Variants in MAML3 observed in about 807,000 individuals in gnomAD.
MAML3 encodes mastermind like transcriptional coactivator 3, also known as mastermind-like protein 3.
A neutral mutation model predicts 101.9 loss-of-function variants in MAML3; 27 were observed. That is an observed-to-expected ratio of 0.27 (90% CI 0.20 to 0.37). MAML3 has a LOEUF of 0.37. Among genes scored for constraint, MAML3 ranks in the 10% least tolerant of loss-of-function variants. The probability of loss-of-function intolerance (pLI) is 1.00; values close to 1 mark genes in which losing one functional copy is unlikely to be tolerated. For missense variants in MAML3, 1,316 were observed against 1,444.9 expected (o/e 0.91, Z 1.45); for synonymous variants, 501 against 555.9 (o/e 0.90, Z 1.39).
chr4:139,799,124 T>C (rs931092909), intron 2 of MAML3, among the ~76,000 whole-genome samples: 9 of 152,228 alleles, frequency 5.9e-5, no homozygotes, highest in Admixed American at 1.3e-4. Flanking sequence ...GCCAGCCTTA[T>C]TGTAACCTCT....
chr4:139,734,999 C>G (rs1728876523), intron 2 of MAML3, among the ~76,000 whole-genome samples: 1 of 152,178 alleles, frequency 6.6e-6, no homozygotes, highest in Non-Finnish European at 1.5e-5. Flanking sequence ...AGCCCGGCCT[C>G]GTGCCCGGCC....
chr4:140,054,441 A>C (rs1727319513), intron 1 of MAML3, among the ~76,000 whole-genome samples: 2 of 151,780 alleles, frequency 1.3e-5, no homozygotes, highest in South Asian at 4.1e-4. Flanking sequence ...TGGTTTGTTG[A>C]TTAAAATAAA....
rs200037455 is a variant in MAML3 at position 139,739,679 on chromosome 4, G to GTTTCTTTTTTTT, written c.2080-9013_2080-9012insAAAAAAAAGAAA. On this transcript the variant is annotated intron_variant, in intron 2 of 4. Transcript: ENST00000509479. ...TTAAGAAAGGCAGGGGAGGAAAGCA[G>GTTTCTTTTTTTT]TTTTTTTTTTTTTTTCTTTTATGTC... 7.6e-5 allele frequency among the ~76,000 whole-genome samples: 10 copies of GTTTCTTTTTTTT among 132,354 alleles called. 1 individual carries two copies. The highest frequency in any genetic ancestry group is 8.5e-5 in the African/African-American group (3 of 35,346). 86.8% of individuals were successfully genotyped at this position (132,354 alleles called of 152,430 possible).
chr4:140,130,421 A>G (rs181764077), intron 1 of MAML3, among the ~76,000 whole-genome samples: 1 of 152,220 alleles, frequency 6.6e-6, no homozygotes, highest in Non-Finnish European at 1.5e-5. Context: ...GTTGTATGAG[A>G]TAGTCTCCTA....
chr4:140,144,245 G>A (rs149454473), intron 1 of MAML3, among the ~76,000 whole-genome samples: 323 of 152,138 alleles, frequency 2.1e-3, no homozygotes, highest in African/African-American at 7.4e-3. Context: ...ACCTCTACCA[G>A]TTAATAATCA....
Position 139,915,273 on chromosome 4 carries a change from A to G in MAML3, c.469-24306T>C, listed in dbSNP as rs537044315. Among the ~76,000 whole-genome samples, 3 of 152,342 alleles carry G rather than the reference A, an allele frequency of 2.0e-5. No homozygotes were observed. In the East Asian group the frequency reaches 5.8e-4, roughly 29 times the overall value. ...ACACAGCCTCTTGAATTAACAGCTC[A>G]CAGGAAGAGAAAAAAACCAACTCCT... is the stretch of plus-strand genomic sequence containing the variant. On this transcript the variant is annotated intron_variant, in intron 1 of 4. Transcript: ENST00000509479.
chr4:139,970,243 C>T (rs11736053), intron 1 of MAML3, among the ~76,000 whole-genome samples: 33,302 of 152,144 alleles, frequency 0.22, 4,741 homozygotes, highest in Non-Finnish European at 0.3. Flanking sequence ...GACAAGGTAG[C>T]ATTTGAGTAG....
intron 1 of MAML3, among the ~76,000 whole-genome samples, chr4:140,144,727 A>C (rs72937710): frequency 0.037 from 5,700 of 152,232 alleles, 330 homozygotes; most frequent in African/African-American, 0.13. Context: ...CTCCAAGTTC[A>C]GAATAGGTTA....
chr4:139,926,353 C>G (rs1733258305), intron 1 of MAML3, among the ~76,000 whole-genome samples: 1 of 152,174 alleles, frequency 6.6e-6, no homozygotes, highest in Non-Finnish European at 1.5e-5. Flanking sequence ...AATCCTAACA[C>G]TTTGGGAGGC....
chr4:139,732,654 A>G lies in MAML3; in HGVS notation c.2080-1987T>C, dbSNP rs931163825. 7.9e-5 allele frequency among the ~76,000 whole-genome samples: 12 copies of G among 151,638 alleles called. No individual in the cohort carries two copies. The East Asian group carries it at 1.7e-3, about 22-fold the overall frequency. On this transcript the variant is annotated intron_variant, in intron 2 of 4. Coordinates refer to ENST00000509479, the MANE Select transcript of MAML3 (RefSeq NM_018717.5). ...ACTTAAAATTAAAAAAAAAATTTCCATAAGTTATCGGGGTACAGGTGGTAT... is the reference window on the plus strand; with the variant it reads ...ACTTAAAATTAAAAAAAAAATTTCCGTAAGTTATCGGGGTACAGGTGGTAT...
intron 2 of MAML3, among the ~76,000 whole-genome samples, chr4:139,879,795 C>T (rs186841472): frequency 1.3e-4 from 20 of 152,228 alleles, no homozygotes; most frequent in East Asian, 5.8e-4. Flanking sequence ...AACCACTGTT[C>T]GATGGGTTAT....
At chr4:139,915,849 G>A (rs1733016561) in intron 1 of MAML3, among the ~76,000 whole-genome samples, 1 of 152,096 alleles carries the variant, frequency 6.6e-6, no homozygotes, top group Non-Finnish European at 1.5e-5. Flanking sequence ...GAATCACTCT[G>A]GAATCCGGGT....
intron 2 of MAML3, among the ~76,000 whole-genome samples, chr4:139,835,773 A>G (rs995474316): frequency 2.4e-4 from 37 of 152,172 alleles, no homozygotes; most frequent in Non-Finnish European, 4.6e-4. Flanking sequence ...ACTTTTCCAA[A>G]GAAGGCCTTA....
At chr4:140,059,735 G>T (rs947899466) in intron 1 of MAML3, among the ~76,000 whole-genome samples, 1 of 152,094 alleles carries the variant, frequency 6.6e-6, no homozygotes, top group Non-Finnish European at 1.5e-5. Flanking sequence ...AATTTTAAGT[G>T]TGTCTACAAG....
chr4:140,002,885 T>C (rs1190327907), intron 1 of MAML3, among the ~76,000 whole-genome samples: 1 of 152,236 alleles, frequency 6.6e-6, no homozygotes, highest in Non-Finnish European at 1.5e-5. Context: ...CCAAGGGACC[T>C]ACTTTACCAG....
At chr4:140,144,702 G>C (rs144313674) in intron 1 of MAML3, among the ~76,000 whole-genome samples, 4 of 152,136 alleles carry the variant, frequency 2.6e-5, no homozygotes, top group Non-Finnish European at 4.4e-5. Flanking sequence ...ATATATATTC[G>C]AGTTTCAGCA....
At chr4:139,789,027 G>T (rs1016683696) in intron 2 of MAML3, among the ~76,000 whole-genome samples, 4 of 152,224 alleles carry the variant, frequency 2.6e-5, no homozygotes, top group African/African-American at 9.6e-5. Flanking sequence ...GATACAGAAA[G>T]ACTTGACTTA....
At chr4:139,986,226 ATTTG>A (rs1212619333) in intron 1 of MAML3, among the ~76,000 whole-genome samples, 3 of 152,102 alleles carry the variant, frequency 2.0e-5, no homozygotes, top group African/African-American at 7.2e-5. Flanking sequence ...CGTAGTAGTC[ATTTG>A]TTTATTCTTC....
chr4:139,938,584 G>A (rs1485340348), intron 1 of MAML3, among the ~76,000 whole-genome samples: 1 of 152,200 alleles, frequency 6.6e-6, no homozygotes, highest in Non-Finnish European at 1.5e-5. Flanking sequence ...TGGGAGTAGA[G>A]TGATGGTGGT....
Sources: gnomAD v4.1 joint callset for allele counts (sites outside exome capture counted in the v4.1 genomes callset) on GRCh38, gnomAD v4.1.1 for gene constraint, MANE v1.5 for transcripts, NCBI Gene and HGNC (gene_info 2026-07-23, HGNC 2026-07-21) for gene names.